Variants in BTBD10 observed in about 807,000 individuals in gnomAD.
BTBD10 encodes the protein BTB domain containing 10.
A neutral mutation model predicts 53.2 loss-of-function variants in BTBD10; 21 were observed. The ratio of observed to expected loss-of-function variants is 0.39; its 90% CI spans 0.28 to 0.57. BTBD10 has a LOEUF of 0.57. Among genes scored for constraint, BTBD10 ranks in the 20% least tolerant of loss-of-function variants. The pLI, the probability that BTBD10 is intolerant of heterozygous loss-of-function variation, is 0.53. For missense variants in BTBD10, 360 were observed against 594.7 expected, an observed-to-expected ratio of 0.61 and a Z score of 4.10; for synonymous variants, 149 against 192.7, an observed-to-expected ratio of 0.77 and a Z score of 1.88.
chr11:13,445,376 G>A (rs1014285971), intron 1 of BTBD10, among the ~76,000 whole-genome samples, 195 bp from the exon 2 acceptor site: 1 of 152,082 alleles, frequency 6.6e-6, no homozygotes, highest in Non-Finnish European at 1.5e-5. Context: ...CATTTGATTT[G>A]TCTATTAAAT....
chr11:13,396,919 G>C (rs1405496872), intron 8 of BTBD10, among the ~76,000 whole-genome samples: 1 of 152,164 alleles, frequency 6.6e-6, no homozygotes, highest in Non-Finnish European at 1.5e-5. Context: ...TAAGCTTTTT[G>C]ATGTGTTGCT....
chr11:13,429,738 C>T (rs1265224548), intron 2 of BTBD10, among the ~76,000 whole-genome samples: 4 of 151,956 alleles, frequency 2.6e-5, no homozygotes, highest in African/African-American at 9.7e-5. Context: ...AAGCCTAATG[C>T]ATAAAAGAGC....
At chr11:13,389,353 T>G (rs1343553484) in intron 8 of BTBD10, among the ~76,000 whole-genome samples, 4 of 152,168 alleles carry the variant, frequency 2.6e-5, no homozygotes, top group Non-Finnish European at 5.9e-5. Context: ...ATTCTTTCAA[T>G]TACTCAATAT....
intron 8 of BTBD10, among the ~76,000 whole-genome samples, chr11:13,398,999 G>A (rs1949638348): frequency 6.6e-6 from 1 of 152,074 alleles, no homozygotes; most frequent in South Asian, 2.1e-4. Flanking sequence ...TTCAACTTTG[G>A]TGAATCTGAC....
chr11:13,459,983 C>G (rs556034555), intron 1 of BTBD10, among the ~76,000 whole-genome samples: 3 of 152,320 alleles, frequency 2.0e-5, no homozygotes, highest in Admixed American at 2.0e-4. Context: ...CAAGCACAAT[C>G]TTCTCAAATA....
intron 8 of BTBD10, among the ~76,000 whole-genome samples, chr11:13,394,003 A>G (rs908413840): frequency 2.0e-5 from 3 of 152,232 alleles, no homozygotes; most frequent in Non-Finnish European, 4.4e-5. Context: ...TGATAAATGT[A>G]AAAGGAATGA....
intron 2 of BTBD10, among the ~76,000 whole-genome samples, chr11:13,429,635 T>G (rs1950410738): frequency 6.7e-6 from 1 of 149,418 alleles, no homozygotes; most frequent in South Asian, 2.1e-4. Flanking sequence ...AAAAGAACTC[T>G]GTGCAATAGT....
At chr11:13,402,626 ATTATT>A (rs1403562823) in intron 8 of BTBD10, among the ~76,000 whole-genome samples, 1 of 152,192 alleles carries the variant, frequency 6.6e-6, no homozygotes, top group African/African-American at 2.4e-5. Flanking sequence ...TTACAGAAAA[ATTATT>A]TTAATTCATA....
At chr11:13,438,390 ATTCT>A (rs1480413249) in intron 2 of BTBD10, among the ~76,000 whole-genome samples, 2 of 152,176 alleles carry the variant, frequency 1.3e-5, no homozygotes, top group South Asian at 2.1e-4. Flanking sequence ...TCCTTAAGAC[ATTCT>A]TTCTTTTTGG....
chr11:13,427,791 G>A (rs570397885), intron 2 of BTBD10, among the ~76,000 whole-genome samples: 1 of 152,078 alleles, frequency 6.6e-6, no homozygotes, highest in South Asian at 2.1e-4. Context: ...TGATTACAAT[G>A]GAATTAAAGT....
rs11423580 is a variant in BTBD10, at chr11:13,418,971, CTT to C, written c.584+487_584+488del. 3.8e-3 allele frequency among the ~76,000 whole-genome samples: 478 copies of C among 125,412 alleles called. 16 individuals are homozygous for C. Among genetic ancestry groups the C allele is most frequent in the East Asian group, 3.1e-3 (14 of 4,526 alleles). The allele number at this position is 125,412 out of a possible 152,430, so 82.3% of individuals were successfully genotyped here. On this transcript the variant is annotated intron_variant, in intron 4 of 8. Transcript: ENST00000278174. Reference sequence around the variant, plus strand: ...TTTTGCTAACTACTTGTTGACATTCCTTTTTTTTTTTTTTTTTTTTAAAAGTA... The same window carrying C: ...TTTTGCTAACTACTTGTTGACATTCCTTTTTTTTTTTTTTTTTTAAAAGTA...
rs1327554645 is a variant in BTBD10 at position 13,419,444 on chromosome 11, C to G, written c.584+16G>C. The G allele has an allele frequency of 1.9e-6, 3 of 1,597,358 alleles. No individual in the cohort carries two copies. Among genetic ancestry groups the G allele is most frequent in the Non-Finnish European group, 2.6e-6 (3 of 1,174,818 alleles). ...ACATTATAATTAGTAATGCAAATAA[C>G]TGCAATAATACAAACCTGCCCAACA... On this transcript the variant is annotated intron_variant, in intron 4 of 8. Coordinates refer to ENST00000278174, the MANE Select transcript of BTBD10 (RefSeq NM_032320.7).
chr11:13,418,404 A>G (rs1015571456), intron 4 of BTBD10, among the ~76,000 whole-genome samples: 7 of 152,210 alleles, frequency 4.6e-5, no homozygotes, highest in African/African-American at 1.7e-4. Context: ...CGTTTTTTTA[A>G]GAAAACATAA....
chr11:13,419,395 C>CA lies in BTBD10; in HGVS notation c.584+64dup, dbSNP rs1231661384. On this transcript the variant is annotated intron_variant, in intron 4 of 8. Coordinates refer to ENST00000278174, the MANE Select transcript of BTBD10 (RefSeq NM_032320.7). ...ACAGAGAATTACTGTAAAACTTAAA[C>CA]AAAAAAATAATGGCAGTAAAAGCAC... is the stretch of plus-strand genomic sequence containing the variant. The CA allele has an allele frequency of 5.1e-6, 8 of 1,556,650 alleles. No individual in the cohort carries two copies. The East Asian group carries it at 9.1e-5, about 18-fold the overall frequency.
At chr11:13,459,075 G>C (rs1315618981) in intron 1 of BTBD10, among the ~76,000 whole-genome samples, 1 of 91,110 alleles carries the variant, frequency 1.1e-5, no homozygotes, top group South Asian at 3.4e-4. Flanking sequence ...TTTTTTTTTT[G>C]AGACGGAGTC....
chr11:13,453,995 T>C (rs745519866), intron 1 of BTBD10, among the ~76,000 whole-genome samples: 1 of 151,996 alleles, frequency 6.6e-6, no homozygotes, highest in Admixed American at 6.6e-5. Context: ...GAGGTTGCAG[T>C]GAGCCAAGAT....
chr11:13,440,000 C>T, intron 2 of BTBD10: 2 of 1,534,626 alleles, frequency 1.3e-6, no homozygotes, highest in Non-Finnish European at 8.7e-7. Context: ...GGTCAGCATC[C>T]TTGGGCATTA....
intron 8 of BTBD10, among the ~76,000 whole-genome samples, chr11:13,393,582 G>A (rs1417515608): frequency 1.3e-5 from 2 of 151,694 alleles, no homozygotes; most frequent in South Asian, 2.1e-4. Flanking sequence ...AAGAAAATAC[G>A]GCTATTGGTG....
At chr11:13,417,093 G>A (rs1245385418) in intron 5 of BTBD10, 65 bp downstream of exon 5, 78 of 1,159,082 alleles carry the variant, frequency 6.7e-5, no homozygotes, top group Admixed American at 8.5e-5. Context: ...AGAATTCTGC[G>A]TCTAATCCAA....
Sources: allele counts gnomAD v4.1 joint callset (sites outside exome capture counted in the v4.1 genomes callset), GRCh38; gene constraint gnomAD v4.1.1; transcripts MANE v1.5; gene names NCBI Gene and HGNC (gene_info 2026-07-23, HGNC 2026-07-21).